The following SLC12A7 variants were observed in gnomAD, a reference collection of about 807,000 sequenced individuals.
The protein encoded by SLC12A7 is solute carrier family 12 member 7, also known as K-Cl cotransporter 4.
In SLC12A7, 100 loss-of-function variants were observed where a neutral mutation model predicts 120.6. That is an observed-to-expected ratio of 0.83 (90% CI 0.71 to 0.98). SLC12A7 has a LOEUF of 0.98. SLC12A7 is among the 50% of genes least tolerant of loss of function. SLC12A7 has a pLI of 0.00. For synonymous variants in SLC12A7, 760 were observed against 678.0 expected, an observed-to-expected ratio of 1.12 and a Z score of -1.88; for missense variants, 1,373 against 1,548.1, an observed-to-expected ratio of 0.89 and a Z score of 1.90.
At chr5:1,120,601 G>C in the SLC12A7 span, among the ~76,000 whole-genome samples, 10 of 152,262 alleles carry the variant, frequency 6.6e-5, no homozygotes, top group African/African-American at 2.4e-4. Context: ...ACTCTCAACA[G>C]AAACACACAG....
the SLC12A7 span, among the ~76,000 whole-genome samples, chr5:1,150,192 C>G: frequency 1.3e-5 from 2 of 152,220 alleles, no homozygotes; most frequent in Non-Finnish European, 2.9e-5. Flanking sequence ...CAAATGCTCT[C>G]TCCCATCCCG....
rs78183206 is a variant in SLC12A7 at position 1,087,440 on chromosome 5, C to T, written c.545-407G>A. Reference sequence around the variant, plus strand: ...GAGTCGTCTCGTGTACTGTGAACCACGCACGCTATCACTGGCGGGAAAGCC... The same window carrying T: ...GAGTCGTCTCGTGTACTGTGAACCATGCACGCTATCACTGGCGGGAAAGCC... On this transcript the variant is annotated intron_variant, in intron 5 of 23. Coordinates refer to ENST00000264930, the MANE Select transcript of SLC12A7 (RefSeq NM_006598.3). 4.4e-3 allele frequency among the ~76,000 whole-genome samples: 671 copies of T among 152,378 alleles called. 7 individuals are homozygous for T. The highest frequency in any genetic ancestry group is 0.015 in the African/African-American group (630 of 41,590).
intron 13 of SLC12A7, 40 bp from the exon 14 acceptor site, chr5:1,076,276 C>A: frequency 6.6e-7 from 1 of 1,520,420 alleles, no homozygotes; most frequent in Non-Finnish European, 8.9e-7. Context: ...CCCACTGGGC[C>A]CCCCTGAGCC....
intron 3 of SLC12A7, among the ~76,000 whole-genome samples, chr5:1,092,117 C>G (rs1740591704): frequency 6.6e-6 from 1 of 152,258 alleles, no homozygotes; most frequent in Non-Finnish European, 1.5e-5. Context: ...TACTTCAACC[C>G]CAGATTGAGG....
chr5:1,120,907 G>A, the SLC12A7 span, among the ~76,000 whole-genome samples: 2 of 152,232 alleles, frequency 1.3e-5, no homozygotes, highest in African/African-American at 2.4e-5. Context: ...GCCACGCTTC[G>A]ACGCGAAGGG....
intron 10 of SLC12A7, 139 bp from the exon 11 acceptor site, chr5:1,078,897 G>GCACC (rs1738675566): frequency 1.4e-6 from 1 of 700,582 alleles, no homozygotes; most frequent in East Asian, 2.7e-5. Context: ...GGACCGTTCT[G>GCACC]CATCCCATCC....
upstream of SLC12A7, among the ~76,000 whole-genome samples, chr5:1,116,795 C>A (rs536487675): frequency 6.6e-6 from 1 of 152,156 alleles, no homozygotes; most frequent in Non-Finnish European, 1.5e-5. Context: ...GCCCACCCAC[C>A]CCCCGCCAGC....
chr5:1,101,989 G>A (rs1020395594), intron 1 of SLC12A7, among the ~76,000 whole-genome samples: 10 of 152,264 alleles, frequency 6.6e-5, no homozygotes, highest in Admixed American at 3.9e-4. Flanking sequence ...GGCAACCTCC[G>A]GTCTGTTTTT....
At chr5:1,120,601 G>A in the SLC12A7 span, among the ~76,000 whole-genome samples, 1 of 152,144 alleles carries the variant, frequency 6.6e-6, no homozygotes, top group African/African-American at 2.4e-5. Context: ...ACTCTCAACA[G>A]AAACACACAG....
At chr5:1,127,262 C>T in the SLC12A7 span, among the ~76,000 whole-genome samples, 5 of 152,264 alleles carry the variant, frequency 3.3e-5, no homozygotes, top group African/African-American at 1.2e-4. Flanking sequence ...ATCCACCTGC[C>T]TTGGCCTCCC....
chr5:1,084,363 C>A (rs567734843), intron 7 of SLC12A7, among the ~76,000 whole-genome samples: 1 of 152,218 alleles, frequency 6.6e-6, no homozygotes, highest in Non-Finnish European at 1.5e-5. Flanking sequence ...AACCTCCCCC[C>A]GCGCCAGCAC....
chr5:1,053,432 A>C lies in SLC12A7; in HGVS notation c.3077T>G (p.Val1026Gly), dbSNP rs752061723. 8.1e-6 allele frequency: 13 copies of C among 1,613,814 alleles called. No homozygotes were observed. Among genetic ancestry groups the C allele is most frequent in the Admixed American group, 3.3e-5 (2 of 59,998 alleles). Residue 1026 changes from valine (V) to glycine (G), a missense_variant, in exon 23 of 24, where the codon GTC (valine) becomes GGC (glycine). By Grantham distance (109) the Val-to-Gly change is moderately radical. Transcript: ENST00000264930. Reference sequence around the variant, plus strand: ...CGCATCCTGGGACTTGTTGAGGACGACGCCATTGAGCTTCACAGCCGTGTG... The same window carrying C: ...CGCATCCTGGGACTTGTTGAGGACGCCGCCATTGAGCTTCACAGCCGTGTG... ...RMHTAVKLNG[V>G]VLNKSQDAQL...
the SLC12A7 span, among the ~76,000 whole-genome samples, chr5:1,117,578 G>A: frequency 6.6e-6 from 1 of 152,218 alleles, no homozygotes; most frequent in African/African-American, 2.4e-5. The surrounding 1 kb of genome is among the most constrained non-coding windows in gnomAD (Gnocchi z 4.5). Context: ...CCATGCTTGA[G>A]ATGTTTTGCG....
intron 17 of SLC12A7, among the ~76,000 whole-genome samples, chr5:1,073,251 C>T (rs560954666): frequency 4.8e-5 from 5 of 105,038 alleles, no homozygotes; most frequent in African/African-American, 2.8e-4. Context: ...GGGCATCACA[C>T]TTATGCAGCC....
the SLC12A7 span, among the ~76,000 whole-genome samples, chr5:1,154,218 A>T: frequency 2.0e-5 from 3 of 151,918 alleles, no homozygotes; most frequent in Non-Finnish European, 4.4e-5. Flanking sequence ...TCCCAACCCT[A>T]ACCCTAACCT....
At chr5:1,150,274 T>C in the SLC12A7 span, among the ~76,000 whole-genome samples, 1 of 152,008 alleles carries the variant, frequency 6.6e-6, no homozygotes, top group Non-Finnish European at 1.5e-5. Context: ...GCTTGTAGTT[T>C]CCTCTGCCCC....
At chr5:1,081,856 C>CA in intron 8 of SLC12A7, 112 bp from the exon 9 acceptor site, 1 of 1,295,364 alleles carries the variant, frequency 7.7e-7, no homozygotes, top group Non-Finnish European at 1.1e-6. Flanking sequence ...GGAAGGGTCA[C>CA]AGCTTGTGCG....
chr5:1,092,702 C>T (rs569455167), intron 3 of SLC12A7, among the ~76,000 whole-genome samples: 4 of 152,166 alleles, frequency 2.6e-5, no homozygotes, highest in South Asian at 2.1e-4. Flanking sequence ...GCAGGGCCTG[C>T]GCTGCTTGGT....
chr5:1,149,269 AT>A, the SLC12A7 span, among the ~76,000 whole-genome samples: 3 of 152,078 alleles, frequency 2.0e-5, no homozygotes, highest in African/African-American at 7.2e-5. Flanking sequence ...CCAACACGGT[AT>A]TGTCCATTCT....
Sources: allele counts gnomAD v4.1 joint callset (sites outside exome capture counted in the v4.1 genomes callset), GRCh38; gene constraint gnomAD v4.1.1; non-coding constraint Gnocchi (gnomAD v3.1); transcripts MANE v1.5; gene names NCBI Gene and HGNC (gene_info 2026-07-23, HGNC 2026-07-21).